DKK2: variants seen among roughly 807,000 people sequenced by gnomAD.
DKK2 encodes the protein dickkopf Wnt signaling pathway inhibitor 2.
A neutral mutation model predicts 28.1 loss-of-function variants in DKK2; 11 were observed. The ratio of observed to expected loss-of-function variants is 0.39; its 90% CI spans 0.25 to 0.65. DKK2 has a LOEUF of 0.65. Ranked by LOEUF, DKK2 falls within the 30% of genes least tolerant of loss-of-function variation. DKK2 has a pLI of 0.47. For synonymous variants in DKK2, 135 were observed against 126.5 expected (o/e 1.07, Z -0.45); for missense variants, 326 against 335.5 (o/e 0.97, Z 0.22).
At chr4:107,021,287 TAATC>T (rs1723687573) in intron 1 of DKK2, among the ~76,000 whole-genome samples, 1 of 152,048 alleles carries the variant, frequency 6.6e-6, no homozygotes, top group Non-Finnish European at 1.5e-5. Flanking sequence ...TGTGGTGTGT[TAATC>T]AATATGTATG....
At chr4:107,018,853 A>T (rs1723650026) in intron 1 of DKK2, among the ~76,000 whole-genome samples, 1 of 152,052 alleles carries the variant, frequency 6.6e-6, no homozygotes, top group Non-Finnish European at 1.5e-5. Flanking sequence ...AAAAAGTATA[A>T]ACTAACACTC....
intron 1 of DKK2, among the ~76,000 whole-genome samples, chr4:106,935,615 C>T (rs1724573206): frequency 6.6e-6 from 1 of 152,264 alleles, no homozygotes. Context: ...GAGCCCACCA[C>T]AGCTCAAGGA....
chr4:106,951,409 A>G (rs1724857187), intron 1 of DKK2, among the ~76,000 whole-genome samples: 1 of 152,182 alleles, frequency 6.6e-6, no homozygotes, highest in Non-Finnish European at 1.5e-5. Context: ...TCCTATTCAC[A>G]ATTGCAAAGA....
At chr4:106,965,960 G>T (rs1004958888) in intron 1 of DKK2, among the ~76,000 whole-genome samples, 1 of 151,490 alleles carries the variant, frequency 6.6e-6, no homozygotes, top group African/African-American at 2.4e-5. Context: ...ATTCCATGGT[G>T]TATATGTGCC....
chr4:106,970,381 G>A (rs75314861), intron 1 of DKK2, among the ~76,000 whole-genome samples: 1,672 of 152,126 alleles, frequency 0.011, 26 homozygotes, highest in African/African-American at 0.037. Context: ...CTAGAGGTAT[G>A]GTGAGATGAA....
At chr4:106,966,955 A>C (rs976407755) in intron 1 of DKK2, among the ~76,000 whole-genome samples, 1 of 152,166 alleles carries the variant, frequency 6.6e-6, no homozygotes, top group African/African-American at 2.4e-5. Flanking sequence ...CAGCCAAACC[A>C]TATCAATTTC....
intron 1 of DKK2, among the ~76,000 whole-genome samples, chr4:107,007,427 CAG>C (rs1254867229): frequency 3.3e-5 from 5 of 152,174 alleles, no homozygotes; most frequent in South Asian, 4.1e-4. Context: ...TGAAAATAAT[CAG>C]AGTGACTCCG....
At position 106,997,038 on chromosome 4, in the gene DKK2, C is replaced by T. The variant is rs553553977; in HGVS notation, c.222+38332G>A. On this transcript the variant is annotated intron_variant, in intron 1 of 3. Coordinates refer to ENST00000285311, the MANE Select transcript of DKK2 (RefSeq NM_014421.3). Reference sequence around the variant, plus strand: ...TTGGCACAGAATTGCCTTTAGAACACTCCTGGAGAGTTCTATAACTTAAAA... The same window carrying T: ...TTGGCACAGAATTGCCTTTAGAACATTCCTGGAGAGTTCTATAACTTAAAA... Among the ~76,000 whole-genome samples, 70 of 152,214 alleles carry T rather than the reference C, an allele frequency of 4.6e-4. 1 individual carries two copies. In the South Asian group the frequency reaches 0.015, roughly 32 times the overall value.
chr4:107,012,973 A>T (rs997198522), intron 1 of DKK2, among the ~76,000 whole-genome samples: 1 of 150,938 alleles, frequency 6.6e-6, no homozygotes, highest in Non-Finnish European at 1.5e-5. Flanking sequence ...ATATTTAAAC[A>T]TCTTTAGATT....
chr4:107,009,849 CT>C lies in DKK2; in HGVS notation c.222+25520del, dbSNP rs904449185. ...TTTTAGGCTCTTTGGCTAACAGAGA[CT>C]TTTCTTTAAATGAGTACTTGCTAAC... is the stretch of plus-strand genomic sequence containing the variant. On this transcript the variant is annotated intron_variant, in intron 1 of 3. Transcript: ENST00000285311. Among the ~76,000 whole-genome samples, 11 of 151,836 alleles carry C rather than the reference CT, an allele frequency of 7.2e-5. No homozygotes were observed. In the East Asian group the frequency reaches 2.1e-3, roughly 29 times the overall value.
At chr4:107,020,955 T>C (rs967028180) in intron 1 of DKK2, among the ~76,000 whole-genome samples, 2 of 152,062 alleles carry the variant, frequency 1.3e-5, no homozygotes, top group South Asian at 4.1e-4. Context: ...TGGAACACCA[T>C]GATTCTTTTG....
chr4:106,934,278 T>C (rs1724546731), intron 1 of DKK2, among the ~76,000 whole-genome samples: 3 of 152,196 alleles, frequency 2.0e-5, no homozygotes, highest in Admixed American at 1.3e-4. Context: ...TTAAAATTAA[T>C]GCAATTTAAA....
At chr4:106,940,905 C>G (rs1724687181) in intron 1 of DKK2, among the ~76,000 whole-genome samples, 1 of 151,484 alleles carries the variant, frequency 6.6e-6, no homozygotes, top group Admixed American at 6.6e-5. Flanking sequence ...GGGAATTGAA[C>G]AATGAGATCA....
chr4:106,929,322 A>G (rs1471297178), intron 1 of DKK2, among the ~76,000 whole-genome samples: 1 of 152,110 alleles, frequency 6.6e-6, no homozygotes, highest in East Asian at 1.9e-4. Flanking sequence ...TTGTCTGAGG[A>G]ACAATGATTG....
Position 107,035,849 on chromosome 4 carries a change from C to G in DKK2, c.-258G>C. The G allele has an allele frequency of 1.9e-6, 1 of 529,516 alleles. No homozygotes were observed. The highest frequency in any genetic ancestry group is 3.4e-6 in the Non-Finnish European group (1 of 294,992). The allele number at this position is 529,516 out of a possible 1,614,324, so 32.8% of individuals were successfully genotyped here. The stretch of plus-strand genomic sequence containing the variant: ...TGCAATAACTGGAAGCAATCAAATG[C>G]GAGGCGCTTTCTCGCCAAGGAGGCG... On this transcript the variant is annotated 5_prime_UTR_variant, in exon 1 of 4. Transcript: ENST00000285311.
intron 1 of DKK2, among the ~76,000 whole-genome samples, chr4:106,934,206 C>T (rs1011889958): frequency 1.3e-5 from 2 of 152,028 alleles, no homozygotes; most frequent in African/African-American, 4.8e-5. Flanking sequence ...AAGGAAAAAA[C>T]TTCGTTTACA....
intron 1 of DKK2, among the ~76,000 whole-genome samples, chr4:106,976,229 G>A (rs1212413922): frequency 2.0e-5 from 3 of 152,160 alleles, no homozygotes; most frequent in African/African-American, 7.2e-5. Flanking sequence ...GATTTGGGGT[G>A]GAGAGTTCTG....
chr4:106,958,424 A>G (rs1722635089), intron 1 of DKK2, among the ~76,000 whole-genome samples: 1 of 152,084 alleles, frequency 6.6e-6, no homozygotes, highest in Non-Finnish European at 1.5e-5. Context: ...CCACCCCTTT[A>G]TATATAAATT....
intron 1 of DKK2, among the ~76,000 whole-genome samples, chr4:107,030,621 C>T (rs921460809): frequency 2.6e-5 from 4 of 151,794 alleles, no homozygotes; most frequent in Non-Finnish European, 4.4e-5. Context: ...TCCAACAGGC[C>T]GTCAGAAAGT....
Sources: gnomAD v4.1 joint callset for allele counts (sites outside exome capture counted in the v4.1 genomes callset) on GRCh38, gnomAD v4.1.1 for gene constraint, MANE v1.5 for transcripts, NCBI Gene and HGNC (gene_info 2026-07-23, HGNC 2026-07-21) for gene names.